VPS26A: variants seen among roughly 807,000 people sequenced by gnomAD.
VPS26A encodes the protein VPS26 retromer complex component A.
VPS26A carries 22 observed loss-of-function variants against 42.4 expected under a neutral mutation model. The observed-to-expected ratio is 0.52, with a 90% CI of 0.37 to 0.74. The LOEUF (loss-of-function observed/expected upper bound fraction) is 0.74. VPS26A is among the 30% of genes least tolerant of loss of function. The pLI, the probability that VPS26A is intolerant of heterozygous loss-of-function variation, is 0.00. For synonymous variants in VPS26A, 110 were observed against 123.5 expected (o/e 0.89, Z 0.73); for missense variants, 276 against 379.2 (o/e 0.73, Z 2.26).
At chr10:69,160,860 A>G (rs1328652190) in intron 5 of VPS26A, among the ~76,000 whole-genome samples, 16 of 152,226 alleles carry the variant, frequency 1.1e-4, no homozygotes, top group Admixed American at 9.8e-4. Context: ...CATCATTACA[A>G]GGTACGTGGG....
intron 2 of VPS26A, among the ~76,000 whole-genome samples, chr10:69,147,873 C>T (rs1684164859): frequency 6.6e-6 from 1 of 152,088 alleles, no homozygotes. Context: ...CCACCATGCC[C>T]ACCTAATTTT....
chr10:69,124,741 T>C (rs1194362745), intron 1 of VPS26A, among the ~76,000 whole-genome samples: 1 of 152,244 alleles, frequency 6.6e-6, no homozygotes, highest in East Asian at 1.9e-4. Context: ...TAAACTCTGA[T>C]ATTTTAAAAC....
intron 8 of VPS26A, among the ~76,000 whole-genome samples, chr10:69,169,270 T>C (rs1841762508): frequency 1.3e-5 from 2 of 151,618 alleles, no homozygotes; most frequent in Non-Finnish European, 2.9e-5. Context: ...TTATTACTAT[T>C]TTTATTTTTT....
intron 1 of VPS26A, among the ~76,000 whole-genome samples, chr10:69,131,048 C>T (rs756889848): frequency 6.6e-6 from 1 of 152,062 alleles, no homozygotes; most frequent in Non-Finnish European, 1.5e-5. Context: ...CGCAGTGGTG[C>T]GATCTTGGCT....
chr10:69,151,649 A>G (rs909923962), intron 2 of VPS26A, among the ~76,000 whole-genome samples: 1 of 152,162 alleles, frequency 6.6e-6, no homozygotes, highest in Non-Finnish European at 1.5e-5. Flanking sequence ...GAGATCAAGG[A>G]AAATTTCAGA....
intron 1 of VPS26A, among the ~76,000 whole-genome samples, chr10:69,130,783 T>C (rs544086172): frequency 1.7e-3 from 252 of 152,294 alleles, no homozygotes; most frequent in African/African-American, 5.7e-3. Context: ...TATACGTACG[T>C]TTTGTGTATT....
rs751184153 is a variant in VPS26A at position 69,150,228 on chromosome 10, A to AT, written c.154-5577dup. 7.4e-5 allele frequency among the ~76,000 whole-genome samples: 11 copies of AT among 147,846 alleles called. No homozygotes were observed. The South Asian group carries it at 1.1e-3, about 14-fold the overall frequency. On this transcript the variant is annotated intron_variant, in intron 2 of 8. Transcript: ENST00000263559. ...ACCATCACACCTGGCTAATTTTTGTATTTTTTTGTAGAAAACGGGGTTTCA... is the reference window on the plus strand; with the variant it reads ...ACCATCACACCTGGCTAATTTTTGTATTTTTTTTGTAGAAAACGGGGTTTCA...
chr10:69,126,967 A>AT (rs1188087537), intron 1 of VPS26A, among the ~76,000 whole-genome samples: 2 of 150,938 alleles, frequency 1.3e-5, no homozygotes, highest in South Asian at 4.2e-4. Flanking sequence ...TATTATTATT[A>AT]TTATTTTTTG....
At chr10:69,126,869 CAGTT>C (rs57824692) in intron 1 of VPS26A, among the ~76,000 whole-genome samples, 80,283 of 151,400 alleles carry the variant, frequency 0.53, 23,324 homozygotes, top group Middle Eastern at 0.74. Context: ...CTTTTTTCCT[CAGTT>C]ATTTTTTTCT....
chr10:69,165,943 C>G, intron 6 of VPS26A, 99 bp from the exon 7 acceptor site: 5 of 1,201,616 alleles, frequency 4.2e-6, no homozygotes, highest in Non-Finnish European at 5.9e-6. Context: ...GAGACACCGT[C>G]TCTAAAAAAA....
chr10:69,139,809 A>C (rs1275653919), intron 2 of VPS26A, among the ~76,000 whole-genome samples: 1 of 152,018 alleles, frequency 6.6e-6, no homozygotes, highest in Non-Finnish European at 1.5e-5. Flanking sequence ...CCTTCTGCTT[A>C]TCCTTTATTT....
chr10:69,169,983 G>A (rs1260875287), intron 8 of VPS26A: 1 of 152,108 alleles, frequency 6.6e-6, no homozygotes, highest in Non-Finnish European at 1.5e-5. Context: ...AAAAGCTTTT[G>A]GTGAATTTTG....
chr10:69,162,438 T>C lies in VPS26A; in HGVS notation c.584T>C (p.Ile195Thr). The C allele has an allele frequency of 6.4e-7, 1 of 1,550,632 alleles. No homozygotes were observed. Among genetic ancestry groups the C allele is most frequent in the South Asian group, 1.1e-5 (1 of 88,212 alleles). ...YHLKDVIVGK[I>T]YFLLVRIKIQ... is the part of the protein sequence containing the mutation. ...TTAAAGGATGTGATTGTTGGAAAAA[T>C]TTACTTCTTATTAGTAAGAATAAAA... is the stretch of plus-strand genomic sequence containing the variant. The change falls in exon 6 of 9, where the codon ATT (isoleucine) becomes ACT (threonine). Residue 195 changes from isoleucine (I) to threonine (T), a missense_variant. Physicochemically the swap from Ile to Thr is moderately conservative, Grantham distance 89. Transcript: ENST00000263559.
chr10:69,140,114 C>T (rs1841008711), intron 2 of VPS26A, among the ~76,000 whole-genome samples: 3 of 151,626 alleles, frequency 2.0e-5, no homozygotes, highest in Admixed American at 6.6e-5. Context: ...GTTGCCCAGG[C>T]TGGAATGCAG....
intron 7 of VPS26A, among the ~76,000 whole-genome samples, chr10:69,166,826 A>G (rs1021949407): frequency 2.0e-5 from 3 of 152,166 alleles, no homozygotes; most frequent in African/African-American, 7.2e-5. Context: ...TGAGAAAATT[A>G]TTATGTAAAA....
chr10:69,161,205 A>G (rs1841554873), intron 5 of VPS26A, among the ~76,000 whole-genome samples: 1 of 152,140 alleles, frequency 6.6e-6, no homozygotes. Context: ...GATCACAGGC[A>G]TGTGCCACTA....
chr10:69,153,690 T>C (rs1310984492), intron 2 of VPS26A, among the ~76,000 whole-genome samples: 8 of 152,090 alleles, frequency 5.3e-5, no homozygotes, highest in Admixed American at 2.6e-4. Context: ...TTCACAGATA[T>C]CTTTCTCAAA....
chr10:69,143,819 C>T (rs994020066), intron 2 of VPS26A, among the ~76,000 whole-genome samples: 6 of 152,032 alleles, frequency 3.9e-5, no homozygotes, highest in South Asian at 2.1e-4. Flanking sequence ...CAAGCTCAGG[C>T]GATCCTCTCA....
chr10:69,158,091 T>G lies in VPS26A; in HGVS notation c.431T>G (p.Val144Gly). 1 of 1,612,258 alleles carries G rather than the reference T, an allele frequency of 6.2e-7. No homozygotes were observed. Among genetic ancestry groups the G allele is most frequent in the Non-Finnish European group, 8.5e-7 (1 of 1,179,290 alleles). The change falls in exon 5 of 9, where the codon GTA becomes GGA. Residue 144 changes from valine to glycine, a missense_variant. Val to Gly is a moderately radical substitution (Grantham distance 109, BLOSUM62 -3). Coordinates refer to ENST00000263559, the MANE Select transcript of VPS26A (RefSeq NM_004896.5). ...ATAGTGAGAAGACTGACAGATTTGG[T>G]AAAAGAGTATGATCTTATTGTTCAC... ...VTIVRRLTDL[V>G]KEYDLIVHQL...
Sources: gnomAD v4.1 joint callset for allele counts (sites outside exome capture counted in the v4.1 genomes callset) on GRCh38, gnomAD v4.1.1 for gene constraint, MANE v1.5 for transcripts, NCBI Gene and HGNC (gene_info 2026-07-23, HGNC 2026-07-21) for gene names.